ZBTB20: variants seen among roughly 807,000 people sequenced by gnomAD.
The protein encoded by ZBTB20 is zinc finger and BTB domain-containing protein 20.
In ZBTB20, 9 loss-of-function variants were observed where a neutral mutation model predicts 56.9. The observed-to-expected ratio is 0.16, with a 90% confidence interval of 0.10 to 0.28. ZBTB20 has a LOEUF of 0.28. Among genes scored for constraint, ZBTB20 ranks in the 10% least tolerant of loss-of-function variants. The probability of loss-of-function intolerance (pLI) is 1.00; values close to 1 mark genes in which losing one functional copy is unlikely to be tolerated. For synonymous variants in ZBTB20, 417 were observed against 420.7 expected (o/e 0.99, Z 0.11); for missense variants, 655 against 1,003.0 (o/e 0.65, Z 4.69).
At chr3:114,824,281 A>G (rs752228791) in intron 4 of ZBTB20, among the ~76,000 whole-genome samples, 1 of 152,010 alleles carries the variant, frequency 6.6e-6, no homozygotes, top group African/African-American at 2.4e-5. Flanking sequence ...TTGCATATAG[A>G]TCCCAAAAAC....
intron 4 of ZBTB20, among the ~76,000 whole-genome samples, chr3:114,844,431 G>A (rs565505503): frequency 1.6e-5 from 2 of 121,754 alleles, no homozygotes; most frequent in South Asian, 5.4e-4. Context: ...TGAGGCAGGA[G>A]GATCACTTGA....
chr3:114,605,731 T>C (rs1195536775), intron 6 of ZBTB20, among the ~76,000 whole-genome samples: 1 of 151,598 alleles, frequency 6.6e-6, no homozygotes, highest in African/African-American at 2.4e-5. Flanking sequence ...CAATAACAAG[T>C]TTTGAGGAGT....
intron 7 of ZBTB20, among the ~76,000 whole-genome samples, chr3:114,440,473 A>G (rs1437495794): frequency 6.6e-6 from 1 of 152,014 alleles, no homozygotes; most frequent in Non-Finnish European, 1.5e-5. Context: ...AAATTTCACT[A>G]TTTCTCTCAT....
chr3:114,413,444 G>A (rs912506309), intron 7 of ZBTB20, among the ~76,000 whole-genome samples: 7 of 152,070 alleles, frequency 4.6e-5, no homozygotes, highest in African/African-American at 1.4e-4. Context: ...GTCCATAGTG[G>A]GTTATTCAGA....
chr3:114,791,188 C>A (rs1181827500), intron 5 of ZBTB20, among the ~76,000 whole-genome samples: 1 of 152,136 alleles, frequency 6.6e-6, no homozygotes, highest in East Asian at 1.9e-4. Context: ...AAACTGACAA[C>A]ACCTGAATCA....
chr3:114,715,615 A>C (rs1052604504), intron 5 of ZBTB20, among the ~76,000 whole-genome samples: 4 of 152,200 alleles, frequency 2.6e-5, no homozygotes, highest in African/African-American at 9.6e-5. Flanking sequence ...AAGTCAATAT[A>C]TGCAACGTTG....
At chr3:114,550,970 T>C (rs1178142442) in intron 6 of ZBTB20, among the ~76,000 whole-genome samples, 2 of 152,114 alleles carry the variant, frequency 1.3e-5, no homozygotes, top group African/African-American at 4.8e-5. Flanking sequence ...AGGCTTGTGT[T>C]GAACTCCTGG....
At chr3:114,852,245 CATTTTATTTT>C (rs146723029) in intron 4 of ZBTB20, among the ~76,000 whole-genome samples, 4 of 151,634 alleles carry the variant, frequency 2.6e-5, no homozygotes, top group Middle Eastern at 3.4e-3. Context: ...TTTGAACTTT[CATTTTATTTT>C]ATTTTATTTT....
rs558868669 is a variant in ZBTB20, at chr3:114,883,784, G to T, written c.-417+16520C>A. Among the ~76,000 whole-genome samples, 16 of 152,092 alleles carry T rather than the reference G, an allele frequency of 1.1e-4. No homozygotes were observed. The South Asian group carries it at 2.7e-3, about 26-fold the overall frequency. The stretch of plus-strand genomic sequence containing the variant: ...GGTCATATCTGTTAGATACAGCAAA[G>T]TCTGCACTGTGGTATTTCTAAGAAA... On this transcript the variant is annotated intron_variant, in intron 4 of 11. Transcript: ENST00000675478.
intron 6 of ZBTB20, among the ~76,000 whole-genome samples, chr3:114,668,551 TC>T: frequency 6.6e-6 from 1 of 152,182 alleles, no homozygotes; most frequent in East Asian, 1.9e-4. Flanking sequence ...GTAACTGCCA[TC>T]TTCCTGCCCC....
At chr3:114,625,911 TA>T (rs1197473981) in intron 6 of ZBTB20, among the ~76,000 whole-genome samples, 1 of 151,722 alleles carries the variant, frequency 6.6e-6, no homozygotes, top group Admixed American at 6.6e-5. Context: ...AGTCAACTGA[TA>T]AAAAAAAGTC....
At chr3:114,682,593 G>A (rs2062048997) in intron 6 of ZBTB20, among the ~76,000 whole-genome samples, 1 of 152,092 alleles carries the variant, frequency 6.6e-6, no homozygotes, top group Non-Finnish European at 1.5e-5. Context: ...AATCTATGAT[G>A]AAAACCCCTG....
At chr3:114,649,746 A>C (rs970599072) in intron 6 of ZBTB20, among the ~76,000 whole-genome samples, 1 of 152,120 alleles carries the variant, frequency 6.6e-6, no homozygotes, top group Admixed American at 6.5e-5. Context: ...TGACCAAGTC[A>C]CATTCCTTTA....
At chr3:114,846,144 C>G (rs1013088811) in intron 4 of ZBTB20, among the ~76,000 whole-genome samples, 1 of 151,960 alleles carries the variant, frequency 6.6e-6, no homozygotes, top group Non-Finnish European at 1.5e-5. Flanking sequence ...CCTACATATA[C>G]CTATATAATG....
intron 10 of ZBTB20, among the ~76,000 whole-genome samples, chr3:114,376,175 G>C (rs905084170): frequency 4.6e-5 from 7 of 152,142 alleles, no homozygotes; most frequent in Admixed American, 1.3e-4. Context: ...ACGTATAGAT[G>C]GTTTTGGGAG....
intron 4 of ZBTB20, among the ~76,000 whole-genome samples, chr3:114,829,199 T>C (rs2073708178): frequency 6.6e-6 from 1 of 151,860 alleles, no homozygotes; most frequent in Non-Finnish European, 1.5e-5. Flanking sequence ...ATATTCAAAC[T>C]GTATTTCATC....
intron 3 of ZBTB20, among the ~76,000 whole-genome samples, chr3:114,916,749 G>A (rs2075760409): frequency 6.6e-6 from 1 of 152,158 alleles, no homozygotes; most frequent in South Asian, 2.1e-4. Flanking sequence ...TTCCACTGAA[G>A]AGTCTGATGC....
At chr3:114,941,066 T>TG (rs1576381096) in intron 3 of ZBTB20, among the ~76,000 whole-genome samples, 1 of 146,350 alleles carries the variant, frequency 6.8e-6, no homozygotes, top group East Asian at 1.9e-4. Context: ...TGTCAGTAAG[T>TG]TACAGACAGG....
chr3:115,086,503 T>TA (rs1039231867), intron 1 of ZBTB20, among the ~76,000 whole-genome samples: 18 of 151,592 alleles, frequency 1.2e-4, no homozygotes, highest in East Asian at 9.7e-4. Flanking sequence ...TAATAATATA[T>TA]AAAAAAAACA....
Sources: gnomAD v4.1 joint callset for allele counts (sites outside exome capture counted in the v4.1 genomes callset) on GRCh38, gnomAD v4.1.1 for gene constraint, MANE v1.5 for transcripts, NCBI Gene and HGNC (gene_info 2026-07-23, HGNC 2026-07-21) for gene names.